GALNT13: variants seen among roughly 807,000 people sequenced by gnomAD.
The protein encoded by GALNT13 is UDP-GalNAc:polypeptide N-acetylgalactosaminyltransferase 13.
Under a neutral mutation model 64.2 loss-of-function variants are expected in GALNT13, and 28 were observed. That is an observed-to-expected ratio of 0.44 (90% confidence interval 0.32 to 0.60). The LOEUF is 0.60. Among genes scored for constraint, GALNT13 ranks in the 20% least tolerant of loss-of-function variants. The probability of loss-of-function intolerance (pLI) is 0.05; values close to 1 mark genes in which losing one functional copy is unlikely to be tolerated. For missense variants in GALNT13, 577 were observed against 669.8 expected (o/e 0.86, Z 1.53); for synonymous variants, 214 against 224.6 (o/e 0.95, Z 0.42).
the GALNT13 span, among the ~76,000 whole-genome samples, chr2:153,579,191 T>C: frequency 6.6e-6 from 1 of 152,176 alleles, no homozygotes; most frequent in Non-Finnish European, 1.5e-5. Flanking sequence ...CCTGAGTGGC[T>C]AGTCCCAAGA....
At chr2:153,257,563 C>G in the GALNT13 span, among the ~76,000 whole-genome samples, 1 of 152,138 alleles carries the variant, frequency 6.6e-6, no homozygotes, top group Non-Finnish European at 1.5e-5. Flanking sequence ...AAATAGAAGA[C>G]TGAAATAATC....
the GALNT13 span, among the ~76,000 whole-genome samples, chr2:153,406,986 A>C: frequency 1.3e-5 from 2 of 151,334 alleles, no homozygotes; most frequent in Non-Finnish European, 2.9e-5. Context: ...TGATCTTTTA[A>C]GTGTTCTAAT....
the GALNT13 span, among the ~76,000 whole-genome samples, chr2:153,511,218 G>A: frequency 1.8e-4 from 27 of 151,792 alleles, 1 homozygote; most frequent in Admixed American, 1.7e-3. Flanking sequence ...AGAAATTGTT[G>A]AGATAGGAGA....
chr2:154,312,025 A>T (rs1268161251), intron 9 of GALNT13, among the ~76,000 whole-genome samples: 1 of 152,174 alleles, frequency 6.6e-6, no homozygotes, highest in Non-Finnish European at 1.5e-5. Flanking sequence ...TTGTGTAGTT[A>T]ACGCAATTAT....
intron 9 of GALNT13, among the ~76,000 whole-genome samples, chr2:154,310,875 A>G (rs923373759): frequency 6.6e-6 from 1 of 152,062 alleles, no homozygotes; most frequent in Admixed American, 6.6e-5. Flanking sequence ...GTTAAATGAA[A>G]TAAGATATAT....
the GALNT13 span, among the ~76,000 whole-genome samples, chr2:153,843,124 G>T: frequency 6.6e-6 from 1 of 152,188 alleles, no homozygotes; most frequent in East Asian, 1.9e-4. Flanking sequence ...GGCTATTTTT[G>T]CATTGCTATA....
intron 3 of GALNT13, among the ~76,000 whole-genome samples, chr2:154,004,500 A>G (rs1696123270): frequency 6.6e-6 from 1 of 152,154 alleles, no homozygotes; most frequent in Non-Finnish European, 1.5e-5. Context: ...CACCGCACCC[A>G]GCCAGTGCTA....
intron 3 of GALNT13, among the ~76,000 whole-genome samples, chr2:154,062,977 T>C (rs1475529078): frequency 6.6e-6 from 1 of 152,162 alleles, no homozygotes; most frequent in South Asian, 2.1e-4. Flanking sequence ...ACATTATTTA[T>C]ATAGTGAACA....
chr2:153,143,010 T>C, the GALNT13 span, among the ~76,000 whole-genome samples: 1 of 151,832 alleles, frequency 6.6e-6, no homozygotes, highest in Non-Finnish European at 1.5e-5. Flanking sequence ...TAATGGGCAA[T>C]GAAGAGAAGC....
At chr2:154,147,472 G>A (rs1683683623) in intron 4 of GALNT13, among the ~76,000 whole-genome samples, 1 of 151,280 alleles carries the variant, frequency 6.6e-6, no homozygotes, top group Non-Finnish European at 1.5e-5. Flanking sequence ...CAGTTTTACA[G>A]GAAGGTGTAT....
the GALNT13 span, among the ~76,000 whole-genome samples, chr2:153,484,820 A>T: frequency 6.6e-6 from 1 of 152,186 alleles, no homozygotes; most frequent in Non-Finnish European, 1.5e-5. Flanking sequence ...TTGCCTTAAG[A>T]TCAACTAGGA....
chr2:154,215,304 A>G (rs1234554206), intron 4 of GALNT13, among the ~76,000 whole-genome samples: 1 of 152,160 alleles, frequency 6.6e-6, no homozygotes, highest in African/African-American at 2.4e-5. Context: ...CTTCCAATCT[A>G]GTTTTTACTG....
the GALNT13 span, chr2:153,477,997 C>G: frequency 5.8e-4 from 315 of 541,976 alleles, 1 homozygote; most frequent in East Asian, 8.1e-3. Flanking sequence ...GCGCCCTAAT[C>G]GCCCTCTTCT....
the GALNT13 span, among the ~76,000 whole-genome samples, chr2:153,248,431 T>G: frequency 6.6e-6 from 1 of 152,060 alleles, no homozygotes; most frequent in Admixed American, 6.6e-5. Flanking sequence ...TAAATATAAT[T>G]TATCATATAA....
the GALNT13 span, among the ~76,000 whole-genome samples, chr2:153,800,104 C>T: frequency 6.6e-6 from 1 of 151,138 alleles, no homozygotes; most frequent in Non-Finnish European, 1.5e-5. Flanking sequence ...CCACCACACA[C>T]ACATGCATAT....
the GALNT13 span, among the ~76,000 whole-genome samples, chr2:153,795,689 AG>A: frequency 6.6e-6 from 1 of 152,228 alleles, no homozygotes; most frequent in Non-Finnish European, 1.5e-5. Context: ...CCTTGAAGAC[AG>A]ATATTCATGG....
At chr2:154,407,035 C>T (rs959003821) in intron 10 of GALNT13, among the ~76,000 whole-genome samples, 5 of 152,082 alleles carry the variant, frequency 3.3e-5, no homozygotes, top group East Asian at 1.9e-4. Flanking sequence ...CATGCATCTC[C>T]GATAAGTCCC....
the GALNT13 span, among the ~76,000 whole-genome samples, chr2:153,404,374 C>G: frequency 3.3e-5 from 5 of 152,144 alleles, no homozygotes; most frequent in Non-Finnish European, 7.4e-5. Context: ...AGCCATCAAT[C>G]AACTAAATCC....
At chr2:154,410,986 T>C (rs1226485089) in intron 11 of GALNT13, among the ~76,000 whole-genome samples, 1 of 151,888 alleles carries the variant, frequency 6.6e-6, no homozygotes, top group Non-Finnish European at 1.5e-5. Flanking sequence ...TATATCTTAC[T>C]CCTGTTTTCA....
Sources: gnomAD v4.1 joint callset for allele counts (sites outside exome capture counted in the v4.1 genomes callset) on GRCh38, gnomAD v4.1.1 for gene constraint, MANE v1.5 for transcripts, NCBI Gene and HGNC (gene_info 2026-07-23, HGNC 2026-07-21) for gene names.